SMYD3: variants seen among roughly 807,000 people sequenced by gnomAD.
SMYD3 encodes histone-lysine N-methyltransferase SMYD3.
Under a neutral mutation model 57.7 loss-of-function variants are expected in SMYD3, and 36 were observed. That is an observed-to-expected ratio of 0.62 (90% CI 0.48 to 0.82). The LOEUF (loss-of-function observed/expected upper bound fraction) is 0.82, where lower values mean the gene tolerates loss of function less well. Ranked by LOEUF, SMYD3 falls within the 40% of genes least tolerant of loss-of-function variation. The pLI is 0.00. For missense variants in SMYD3, 515 were observed against 538.8 expected (o/e 0.96, Z 0.44); for synonymous variants, 211 against 195.0 (o/e 1.08, Z -0.68).
At chr1:246,256,264 A>AGATGGTGCCCACCAGATAAGG (rs2063892146) in intron 5 of SMYD3, among the ~76,000 whole-genome samples, 1 of 151,878 alleles carries the variant, frequency 6.6e-6, no homozygotes, top group South Asian at 2.1e-4. Flanking sequence ...AGAGCTGATT[A>AGATGGTGCCCACCAGATAAGG]GATGGTGCCC....
intron 3 of SMYD3, among the ~76,000 whole-genome samples, 165 bp from the exon 4 acceptor site, chr1:246,330,702 C>T (rs1303785719): frequency 1.3e-5 from 2 of 152,196 alleles, no homozygotes; most frequent in Non-Finnish European, 2.9e-5. Flanking sequence ...TAATCAACAA[C>T]TTTAAAATAA....
intron 2 of SMYD3, among the ~76,000 whole-genome samples, chr1:246,343,960 T>C (rs1572401451): frequency 1.3e-5 from 2 of 152,238 alleles, no homozygotes; most frequent in Non-Finnish European, 1.5e-5. Flanking sequence ...TATTAAATTA[T>C]ATTTAGGTTG....
intron 5 of SMYD3, among the ~76,000 whole-genome samples, chr1:246,205,183 A>T (rs981430775): frequency 6.6e-6 from 1 of 152,230 alleles, no homozygotes; most frequent in Non-Finnish European, 1.5e-5. Flanking sequence ...TAGACGTAAG[A>T]AGACAGAAAC....
At position 246,265,822 on chromosome 1, in the gene SMYD3, A is replaced by G. The variant is rs868142263; in HGVS notation, c.531+61379T>C. Among the ~76,000 whole-genome samples the G allele has an allele frequency of 1.2e-4, 19 of 152,192 alleles. No individual in the cohort carries two copies. The South Asian group carries it at 1.4e-3, about 12-fold the overall frequency. Reference sequence around the variant, plus strand: ...CGCAGTGCTTGCTTTTTAAAGTAGGATTATATGAAAGTAACTGAGAATTAC... The same window carrying G: ...CGCAGTGCTTGCTTTTTAAAGTAGGGTTATATGAAAGTAACTGAGAATTAC... On this transcript the variant is annotated intron_variant, in intron 5 of 11. Transcript: ENST00000490107.
chr1:246,413,703 C>T (rs183653117), intron 1 of SMYD3, among the ~76,000 whole-genome samples: 1 of 152,180 alleles, frequency 6.6e-6, no homozygotes, highest in Admixed American at 6.5e-5. Flanking sequence ...CTCCGCTTTG[C>T]CTTCTACCAT....
intron 5 of SMYD3, among the ~76,000 whole-genome samples, chr1:246,323,571 C>T (rs1178143784): frequency 6.6e-6 from 1 of 152,172 alleles, no homozygotes; most frequent in African/African-American, 2.4e-5. Context: ...GAAATATGCT[C>T]TCGGGATTAA....
At chr1:246,138,489 G>C (rs1407834063) in intron 5 of SMYD3, among the ~76,000 whole-genome samples, 4 of 130,278 alleles carry the variant, frequency 3.1e-5, no homozygotes, top group Admixed American at 8.1e-5. Flanking sequence ...GCAGTGGCGC[G>C]ATCTCAGCTC....
intron 5 of SMYD3, among the ~76,000 whole-genome samples, chr1:246,022,293 C>T (rs1280873585): frequency 6.6e-6 from 1 of 152,158 alleles, no homozygotes; most frequent in Non-Finnish European, 1.5e-5. Flanking sequence ...TCTCAAGCAT[C>T]TCTATACGAA....
chr1:246,152,303 G>A (rs2061953225), intron 5 of SMYD3, among the ~76,000 whole-genome samples: 1 of 152,112 alleles, frequency 6.6e-6, no homozygotes, highest in African/African-American at 2.4e-5. Context: ...CACATCCTGG[G>A]GACAAGGGTG....
intron 5 of SMYD3, among the ~76,000 whole-genome samples, chr1:246,219,604 A>G (rs2063218906): frequency 6.6e-6 from 1 of 152,146 alleles, no homozygotes; most frequent in Non-Finnish European, 1.5e-5. Context: ...TGCCCTCGTT[A>G]GCAGAAGGCA....
intron 5 of SMYD3, among the ~76,000 whole-genome samples, chr1:246,264,976 A>T (rs1185647629): frequency 6.6e-6 from 1 of 152,258 alleles, no homozygotes; most frequent in Non-Finnish European, 1.5e-5. Context: ...TGAAGAAATA[A>T]AAAACTACAG....
chr1:245,833,431 A>C (rs2148392597), intron 10 of SMYD3, among the ~76,000 whole-genome samples: 1 of 152,332 alleles, frequency 6.6e-6, no homozygotes, highest in Middle Eastern at 3.4e-3. Context: ...CGTCCTGGCC[A>C]AATGTACTGT....
chr1:246,288,180 T>G (rs1227027789), intron 5 of SMYD3, among the ~76,000 whole-genome samples: 1 of 148,684 alleles, frequency 6.7e-6, no homozygotes, highest in Non-Finnish European at 1.5e-5. Context: ...TTCAAGCGAT[T>G]CTTCTGCCTC....
intron 5 of SMYD3, among the ~76,000 whole-genome samples, chr1:246,056,669 T>TTCTCGGCCGGGCGCGGTGGC (rs1330594241): frequency 6.6e-6 from 1 of 151,738 alleles, no homozygotes; most frequent in African/African-American, 2.4e-5. Context: ...ATGATAAATG[T>TTCTCGGCCGGGCGCGGTGGC]TCAAGCTGAT....
intron 1 of SMYD3, 65 bp downstream of exon 1, chr1:246,506,989 G>GCCCCCCCCACCCCCCCCCCCCCC: frequency 1.5e-6 from 1 of 649,322 alleles, no homozygotes; most frequent in Non-Finnish European, 2.1e-6. Context: ...GCCGCCCGAC[G>GCCCCCCCCACCCCCCCCCCCCCC]CCCCCCCCTC....
intron 5 of SMYD3, among the ~76,000 whole-genome samples, chr1:246,221,077 G>C (rs2063246860): frequency 6.6e-6 from 1 of 152,076 alleles, no homozygotes. Flanking sequence ...GCAGAGAACA[G>C]TCTCTTACTC....
At position 245,959,509 on chromosome 1, in the gene SMYD3, T is replaced by C. The variant is rs145468967; in HGVS notation, c.532-29572A>G. On this transcript the variant is annotated intron_variant, in intron 5 of 11. Coordinates refer to ENST00000490107, the MANE Select transcript of SMYD3 (RefSeq NM_001167740.2). ...AAAGTCTTGGGTGATTTCATCTCAGTTTCCCTATTTATAAAACAAAGGGTG... is the reference window on the plus strand; with the variant it reads ...AAAGTCTTGGGTGATTTCATCTCAGCTTCCCTATTTATAAAACAAAGGGTG... 1.6e-3 allele frequency among the ~76,000 whole-genome samples: 240 copies of C among 152,288 alleles called. 1 individual carries two copies. Among genetic ancestry groups the C allele is most frequent in the African/African-American group, 5.6e-3 (233 of 41,560 alleles).
chr1:246,236,266 T>C (rs1242842158), intron 5 of SMYD3, among the ~76,000 whole-genome samples: 2 of 152,182 alleles, frequency 1.3e-5, no homozygotes, highest in African/African-American at 4.8e-5. Flanking sequence ...GGTCTCACAA[T>C]GTTGCCGAGG....
chr1:246,179,796 G>C (rs973573845), intron 5 of SMYD3, among the ~76,000 whole-genome samples: 2 of 152,116 alleles, frequency 1.3e-5, no homozygotes, highest in Non-Finnish European at 2.9e-5. Flanking sequence ...TCTATGTGTT[G>C]ATAGCGGAGA....
Sources: gnomAD v4.1 joint callset for allele counts (sites outside exome capture counted in the v4.1 genomes callset) on GRCh38, gnomAD v4.1.1 for gene constraint, MANE v1.5 for transcripts, NCBI Gene and HGNC (gene_info 2026-07-23, HGNC 2026-07-21) for gene names.